Variants in EPB41L3 observed in about 807,000 individuals in gnomAD.
EPB41L3 encodes the protein erythrocyte membrane protein band 4.1 like 3.
Under a neutral mutation model 127.1 loss-of-function variants are expected in EPB41L3, and 57 were observed. The observed-to-expected ratio is 0.45, with a 90% CI of 0.36 to 0.56. The LOEUF (loss-of-function observed/expected upper bound fraction) is 0.56. EPB41L3 is among the 20% of genes least tolerant of loss of function. The pLI is 0.00. For missense variants in EPB41L3, 1,273 were observed against 1,372.2 expected, an observed-to-expected ratio of 0.93 and a Z score of 1.14; for synonymous variants, 572 against 549.5, an observed-to-expected ratio of 1.04 and a Z score of -0.57.
chr18:5,399,565 A>G (rs1183644551), intron 16 of EPB41L3: 1 of 394,088 alleles, frequency 2.5e-6, no homozygotes, highest in Non-Finnish European at 4.5e-6. Flanking sequence ...ATGATAAACT[A>G]TAAACTTCAG....
chr18:5,523,197 A>G (rs936398965), intron 1 of EPB41L3, among the ~76,000 whole-genome samples: 1 of 152,224 alleles, frequency 6.6e-6, no homozygotes, highest in African/African-American at 2.4e-5. Flanking sequence ...GATTGGTAGG[A>G]CAGAATTATT....
At chr18:5,461,468 A>G (rs2083993188) in intron 3 of EPB41L3, among the ~76,000 whole-genome samples, 1 of 152,248 alleles carries the variant, frequency 6.6e-6, no homozygotes, top group Admixed American at 6.5e-5. Context: ...ATGTACATAC[A>G]TGTTAAACAC....
chr18:5,483,188 G>A (rs955602607), intron 2 of EPB41L3, among the ~76,000 whole-genome samples: 2 of 152,132 alleles, frequency 1.3e-5, no homozygotes, highest in East Asian at 1.9e-4. Flanking sequence ...GTGTGTGTAT[G>A]TGCGTGCATG....
chr18:5,412,678 C>T (rs1415280988), intron 13 of EPB41L3, among the ~76,000 whole-genome samples: 5 of 152,050 alleles, frequency 3.3e-5, no homozygotes, highest in Non-Finnish European at 5.9e-5. Flanking sequence ...GGACAGTGGT[C>T]GTTAAGAGGG....
intron 3 of EPB41L3, among the ~76,000 whole-genome samples, chr18:5,472,518 G>C (rs539603154): frequency 6.6e-6 from 1 of 152,198 alleles, no homozygotes; most frequent in African/African-American, 2.4e-5. Context: ...ACAGAGCTAC[G>C]TGGAATCAAA....
chr18:5,437,863 A>G (rs1323700182), intron 6 of EPB41L3, among the ~76,000 whole-genome samples, 172 bp downstream of exon 6: 1 of 152,232 alleles, frequency 6.6e-6, no homozygotes, highest in Non-Finnish European at 1.5e-5. Flanking sequence ...GTGAAAAGAT[A>G]GGAACTGGCA....
chr18:5,446,523 G>T (rs1209593829), intron 3 of EPB41L3, among the ~76,000 whole-genome samples: 1 of 152,152 alleles, frequency 6.6e-6, no homozygotes, highest in Non-Finnish European at 1.5e-5. Context: ...AAGCATATTT[G>T]TCTTTAAGAG....
intron 3 of EPB41L3, among the ~76,000 whole-genome samples, chr18:5,454,874 T>C (rs192737800): frequency 1.6e-4 from 24 of 152,346 alleles, no homozygotes; most frequent in Admixed American, 3.3e-4. Flanking sequence ...CATCTGGCAT[T>C]ATTTAAACAC....
At chr18:5,461,968 T>C (rs2147132388) in intron 3 of EPB41L3, among the ~76,000 whole-genome samples, 1 of 152,172 alleles carries the variant, frequency 6.6e-6, no homozygotes, top group African/African-American at 2.4e-5. Flanking sequence ...GTGAGACCAA[T>C]AGTTCAGCAC....
chr18:5,424,377 C>T lies in EPB41L3; in HGVS notation c.1066-18G>A, dbSNP rs372529588. On this transcript the variant is annotated intron_variant, in intron 9 of 22. Transcript: ENST00000341928. Reference sequence around the variant, plus strand: ...TGTTCAAACTAAATAAAAAAAAATACATTGAAGAGTAAAGTTTAAAATTAT... The same window carrying T: ...TGTTCAAACTAAATAAAAAAAAATATATTGAAGAGTAAAGTTTAAAATTAT... The T allele has an allele frequency of 4.5e-6, 7 of 1,547,686 alleles. No homozygotes were observed. The African/African-American group carries it at 9.7e-5, about 21-fold the overall frequency.
chr18:5,420,227 G>A (rs1271024881), intron 11 of EPB41L3: 2 of 339,292 alleles, frequency 5.9e-6, no homozygotes, highest in Non-Finnish European at 1.1e-5. Flanking sequence ...ATGAGGCGAG[G>A]CTGCCGCTGG....
intron 15 of EPB41L3, chr18:5,407,175 C>T: frequency 1.7e-6 from 1 of 576,578 alleles, no homozygotes; most frequent in East Asian, 2.8e-5. Flanking sequence ...ATCTAGTTCA[C>T]ACAAACATGG....
intron 2 of EPB41L3, chr18:5,479,667 G>A (rs537836744): frequency 1.3e-5 from 2 of 151,864 alleles, no homozygotes; most frequent in South Asian, 2.1e-4. Context: ...AGAATTGAAA[G>A]AGACCAATCT....
chr18:5,533,890 C>T (rs1040999913), intron 1 of EPB41L3, among the ~76,000 whole-genome samples: 107 of 152,190 alleles, frequency 7.0e-4, no homozygotes, highest in African/African-American at 2.6e-3. Flanking sequence ...CAAGGCCGGG[C>T]GCCGTGGCTG....
chr18:5,427,505 AAAAC>A (rs151031708), intron 9 of EPB41L3, among the ~76,000 whole-genome samples: 60 of 152,224 alleles, frequency 3.9e-4, no homozygotes, highest in East Asian at 5.8e-4. Context: ...TCTCTGACTT[AAAAC>A]AAACAAACAA....
intron 4 of EPB41L3, 143 bp downstream of exon 4, chr18:5,444,997 A>AC: frequency 1.7e-6 from 1 of 589,154 alleles, no homozygotes; most frequent in East Asian, 2.9e-5. Flanking sequence ...TAGATGATTA[A>AC]CAGCATTTAC....
chr18:5,615,897 AAATC>A (rs2094789112), intron 1 of EPB41L3, among the ~76,000 whole-genome samples: 1 of 152,182 alleles, frequency 6.6e-6, no homozygotes, highest in East Asian at 1.9e-4. Context: ...CACAGGCCTG[AAATC>A]CCCTCCAACT....
At chr18:5,561,605 GA>G (rs1164957730) in intron 3 of EPB41L3, among the ~76,000 whole-genome samples, 1 of 152,138 alleles carries the variant, frequency 6.6e-6, no homozygotes, top group Non-Finnish European at 1.5e-5. Flanking sequence ...GAAGAAAATA[GA>G]AAAATCACCA....
intron 1 of EPB41L3, among the ~76,000 whole-genome samples, chr18:5,623,252 T>C (rs1266779872): frequency 2.0e-5 from 3 of 152,198 alleles, no homozygotes; most frequent in Admixed American, 2.0e-4. Flanking sequence ...AACATATTTG[T>C]GTAAATTTTA....
Sources: gnomAD v4.1 joint callset for allele counts (sites outside exome capture counted in the v4.1 genomes callset) on GRCh38, gnomAD v4.1.1 for gene constraint, MANE v1.5 for transcripts, NCBI Gene and HGNC (gene_info 2026-07-23, HGNC 2026-07-21) for gene names.